The following RBFOX3 variants were observed in gnomAD, a reference collection of about 807,000 sequenced individuals.
The protein encoded by RBFOX3 is RNA binding fox-1 homolog 3.
In RBFOX3, 17 loss-of-function variants were observed where a neutral mutation model predicts 48.7. The observed-to-expected ratio is 0.35, with a 90% CI of 0.24 to 0.52. The LOEUF (loss-of-function observed/expected upper bound fraction) is 0.52. Among genes scored for constraint, RBFOX3 ranks in the 20% least tolerant of loss-of-function variants. The probability of loss-of-function intolerance (pLI) is 0.94; values close to 1 mark genes in which losing one functional copy is unlikely to be tolerated. For synonymous variants in RBFOX3, 212 were observed against 209.5 expected, an observed-to-expected ratio of 1.01 and a Z score of -0.10; for missense variants, 382 against 497.5, an observed-to-expected ratio of 0.77 and a Z score of 2.21.
At chr17:79,147,187 G>A (rs943778684) in intron 4 of RBFOX3, among the ~76,000 whole-genome samples, 36 of 152,184 alleles carry the variant, frequency 2.4e-4, no homozygotes, top group Non-Finnish European at 2.5e-4. Flanking sequence ...GAGATGGCAC[G>A]GCCCAAGTCA....
At chr17:79,552,567 C>T (rs1278745291) in intron 1 of RBFOX3, among the ~76,000 whole-genome samples, 1 of 152,066 alleles carries the variant, frequency 6.6e-6, no homozygotes, top group African/African-American at 2.4e-5. Flanking sequence ...ATCACCAGGG[C>T]CTGAACAGGG....
intron 4 of RBFOX3, among the ~76,000 whole-genome samples, chr17:79,210,428 C>T (rs995754479): frequency 2.0e-5 from 3 of 152,282 alleles, no homozygotes; most frequent in Admixed American, 6.5e-5. Flanking sequence ...TTCCCTTGTA[C>T]GGGGACTTCC....
intron 4 of RBFOX3, among the ~76,000 whole-genome samples, chr17:79,147,563 G>T (rs4789871): frequency 0.3 from 45,838 of 151,852 alleles, 7,312 homozygotes; most frequent in South Asian, 0.41. Flanking sequence ...GGAGGGGGGG[G>T]GCTCACCTTC....
At chr17:79,165,115 G>C (rs2047732771) in intron 4 of RBFOX3, among the ~76,000 whole-genome samples, 1 of 152,142 alleles carries the variant, frequency 6.6e-6, no homozygotes, top group African/African-American at 2.4e-5. Context: ...GAGCAGCCGG[G>C]AGGGATGAGA....
At chr17:79,162,644 G>GTC (rs902939205) in intron 4 of RBFOX3, among the ~76,000 whole-genome samples, 5 of 152,250 alleles carry the variant, frequency 3.3e-5, no homozygotes, top group African/African-American at 1.2e-4. Flanking sequence ...TTAGTTAAAT[G>GTC]GAGAGGAAGG....
At chr17:79,474,595 T>G (rs753392754) in intron 2 of RBFOX3, among the ~76,000 whole-genome samples, 21 of 152,204 alleles carry the variant, frequency 1.4e-4, no homozygotes, top group Non-Finnish European at 1.9e-4. Flanking sequence ...CACTCACATT[T>G]GACTTTTGTA....
At chr17:79,510,335 C>A (rs987019290) in intron 1 of RBFOX3, among the ~76,000 whole-genome samples, 3 of 152,302 alleles carry the variant, frequency 2.0e-5, no homozygotes, top group African/African-American at 7.2e-5. Flanking sequence ...TGACCCGCTG[C>A]GCACCCACCG....
the RBFOX3 span, among the ~76,000 whole-genome samples, chr17:79,656,708 G>GAA: frequency 0.062 from 1,098 of 17,658 alleles, 44 homozygotes; most frequent in Middle Eastern, 0.12. Context: ...AAGGAAGGAA[G>GAA]GAGAGAGAGA....
chr17:79,271,468 C>T (rs62062929), intron 3 of RBFOX3, among the ~76,000 whole-genome samples: 27,906 of 152,182 alleles, frequency 0.18, 2,774 homozygotes, highest in Non-Finnish European at 0.23. Flanking sequence ...GTGTGCCTGC[C>T]GGACTCAAGC....
the RBFOX3 span, among the ~76,000 whole-genome samples, chr17:79,664,594 C>T: frequency 1.3e-3 from 194 of 152,268 alleles, no homozygotes; most frequent in Middle Eastern, 0.01. Context: ...GTGATCCACC[C>T]GCCTCGGCCT....
At chr17:79,407,137 A>G (rs1474817490) in intron 2 of RBFOX3, among the ~76,000 whole-genome samples, 3 of 152,210 alleles carry the variant, frequency 2.0e-5, no homozygotes, top group Non-Finnish European at 4.4e-5. Context: ...CCTCCCAAGT[A>G]GCTGGGACTA....
chr17:79,508,432 C>T (rs1322558786), intron 1 of RBFOX3, among the ~76,000 whole-genome samples: 8 of 152,334 alleles, frequency 5.3e-5, no homozygotes, highest in South Asian at 2.1e-4. Flanking sequence ...CGCCGCCCAC[C>T]GCCTCCCTGA....
chr17:79,297,213 C>A (rs2074531039), intron 3 of RBFOX3, among the ~76,000 whole-genome samples: 1 of 152,158 alleles, frequency 6.6e-6, no homozygotes, highest in Admixed American at 6.5e-5. Flanking sequence ...TGACTCCCAG[C>A]AAACAGCTAA....
At chr17:79,171,175 C>T (rs2049201990) in intron 4 of RBFOX3, among the ~76,000 whole-genome samples, 1 of 152,238 alleles carries the variant, frequency 6.6e-6, no homozygotes, top group African/African-American at 2.4e-5. Flanking sequence ...TGCCAAATAT[C>T]TCAATCATGT....
intron 2 of RBFOX3, among the ~76,000 whole-genome samples, chr17:79,399,480 G>A (rs529534373): frequency 1.5e-4 from 23 of 151,098 alleles, no homozygotes; most frequent in Middle Eastern, 3.4e-3. Context: ...GGCAGGGATG[G>A]TTTTTTTTTG....
At position 79,390,869 on chromosome 17, in the gene RBFOX3, C is replaced by T. The variant is rs577471617; in HGVS notation, c.-174-83045G>A. 6.6e-6 allele frequency among the ~76,000 whole-genome samples: 1 copy of T among 152,290 alleles called. No individual in the cohort carries two copies. Among genetic ancestry groups the T allele is most frequent in the South Asian group, 2.1e-4 (1 of 4,826 alleles). ...CCCTCACCAGGAGGCACCTTCCTGC[C>T]CAGACACCTCGGGATGAGCCCCTGG... is the stretch of plus-strand genomic sequence containing the variant. On this transcript the variant is annotated intron_variant, in intron 2 of 14. Transcript: ENST00000693108. The surrounding 1 kb of genome is among the most constrained non-coding windows in gnomAD (Gnocchi z 4.2).
chr17:79,398,242 C>A (rs2148354287), intron 2 of RBFOX3, among the ~76,000 whole-genome samples: 1 of 152,240 alleles, frequency 6.6e-6, no homozygotes, highest in East Asian at 1.9e-4. Context: ...GCAGAAACTC[C>A]CAGAACTGCC....
chr17:79,364,224 C>G lies in RBFOX3; in HGVS notation c.-174-56400G>C, dbSNP rs1485722458. 2.6e-5 allele frequency among the ~76,000 whole-genome samples: 4 copies of G among 152,240 alleles called. No homozygotes were observed. Among genetic ancestry groups the G allele is most frequent in the African/African-American group, 9.6e-5 (4 of 41,474 alleles). On this transcript the variant is annotated intron_variant, in intron 2 of 14. Coordinates refer to ENST00000693108, the MANE Select transcript of RBFOX3 (RefSeq NM_001350451.2). This position sits in a 1 kb window ranked among gnomAD's most constrained non-coding sequence, Gnocchi z 5.1. ...CTCCACCTGCCTGCCCAGAGTAGGT[C>G]TGGCACAAAGTGAGCAGAGATGGTA...
At chr17:79,369,641 C>G (rs1277849821) in intron 2 of RBFOX3, among the ~76,000 whole-genome samples, 1 of 152,162 alleles carries the variant, frequency 6.6e-6, no homozygotes, top group Non-Finnish European at 1.5e-5. Flanking sequence ...TTGGTCAGTT[C>G]TGCCCGCAAT....
Sources: gnomAD v4.1 joint callset for allele counts (sites outside exome capture counted in the v4.1 genomes callset) on GRCh38, gnomAD v4.1.1 for gene constraint, Gnocchi (gnomAD v3.1) non-coding constraint, MANE v1.5 for transcripts, NCBI Gene and HGNC (gene_info 2026-07-23, HGNC 2026-07-21) for gene names.